The following RNF180 variants were observed in gnomAD, a reference collection of about 807,000 sequenced individuals.
The protein encoded by RNF180 is ring finger protein 180.
RNF180 carries 38 observed loss-of-function variants against 59.2 expected under a neutral mutation model. The observed-to-expected ratio is 0.64, with a 90% CI of 0.50 to 0.84. RNF180 has a LOEUF of 0.84. Ranked by LOEUF, RNF180 falls within the 40% of genes least tolerant of loss-of-function variation. The probability of loss-of-function intolerance (pLI) is 0.00; values close to 1 mark genes in which losing one functional copy is unlikely to be tolerated. For synonymous variants in RNF180, 262 were observed against 240.3 expected, an observed-to-expected ratio of 1.09 and a Z score of -0.84; for missense variants, 705 against 700.9, an observed-to-expected ratio of 1.01 and a Z score of -0.07.
chr5:64,341,182 A>C (rs1745340261), intron 7 of RNF180, among the ~76,000 whole-genome samples: 1 of 152,208 alleles, frequency 6.6e-6, no homozygotes, highest in African/African-American at 2.4e-5. Context: ...CTCAAGAAAT[A>C]AATTCTCCTG....
At chr5:64,171,682 T>C (rs1400104832) in intron 1 of RNF180, among the ~76,000 whole-genome samples, 1 of 152,226 alleles carries the variant, frequency 6.6e-6, no homozygotes, top group Non-Finnish European at 1.5e-5. Flanking sequence ...TCAGTACCAT[T>C]ATGGATAAGG....
chr5:64,325,518 T>G (rs1188480002), intron 6 of RNF180, 107 bp downstream of exon 6: 3 of 805,420 alleles, frequency 3.7e-6, no homozygotes, highest in Middle Eastern at 2.3e-4. Flanking sequence ...ATACCATAAT[T>G]TGTTATTCTC....
chr5:64,199,597 A>G (rs1462027803), intron 1 of RNF180, among the ~76,000 whole-genome samples: 2 of 152,178 alleles, frequency 1.3e-5, no homozygotes, highest in Non-Finnish European at 2.9e-5. Context: ...ACTCATTTTC[A>G]TGTTCCCAGA....
intron 1 of RNF180, among the ~76,000 whole-genome samples, chr5:64,189,627 G>A (rs1023829423): frequency 1.3e-5 from 2 of 152,156 alleles, no homozygotes; most frequent in South Asian, 2.1e-4. Flanking sequence ...ACCGCTTACA[G>A]TCAACTCAAA....
intron 5 of RNF180, among the ~76,000 whole-genome samples, chr5:64,266,882 GTT>G (rs1189811209): frequency 1.3e-5 from 2 of 152,086 alleles, no homozygotes; most frequent in Non-Finnish European, 2.9e-5. Flanking sequence ...AAGTTCAGGA[GTT>G]TTCATAATTC....
At chr5:64,337,009 TTTTTTGTTTTTG>T (rs1554044718) in intron 7 of RNF180, among the ~76,000 whole-genome samples, 22 of 151,632 alleles carry the variant, frequency 1.5e-4, no homozygotes, top group African/African-American at 4.4e-4. Flanking sequence ...TTGTTGTTTT[TTTTTTGTTTTTG>T]TTTTTGTTTT....
chr5:64,214,539 T>C (rs747779713), intron 4 of RNF180, 22 bp downstream of exon 4: 7 of 1,595,924 alleles, frequency 4.4e-6, no homozygotes, highest in African/African-American at 1.4e-5. Context: ...CAAAAGAGTT[T>C]ACTAAAAATC....
At chr5:64,180,474 C>G (rs989376424) in intron 1 of RNF180, among the ~76,000 whole-genome samples, 1 of 152,070 alleles carries the variant, frequency 6.6e-6, no homozygotes, top group Non-Finnish European at 1.5e-5. Context: ...CTAGCAGCCT[C>G]CAGTGTACCA....
intron 2 of RNF180, among the ~76,000 whole-genome samples, chr5:64,207,243 CA>C (rs1752061994): frequency 6.6e-6 from 1 of 151,694 alleles, no homozygotes; most frequent in African/African-American, 2.4e-5. Context: ...GTTTAAGTGG[CA>C]AAAAGGAAAA....
intron 5 of RNF180, among the ~76,000 whole-genome samples, chr5:64,270,922 C>A (rs148994399): frequency 1.3e-5 from 2 of 152,002 alleles, no homozygotes; most frequent in Non-Finnish European, 2.9e-5. Flanking sequence ...GTTTATCCTG[C>A]ACCATTGAAA....
intron 5 of RNF180, among the ~76,000 whole-genome samples, chr5:64,265,528 G>T (rs1050304988): frequency 9.8e-5 from 15 of 152,296 alleles, no homozygotes; most frequent in African/African-American, 2.9e-4. Flanking sequence ...TCAAAGATCA[G>T]ATGGCTGTAG....
intron 5 of RNF180, among the ~76,000 whole-genome samples, chr5:64,247,728 T>C (rs1488108798): frequency 1.3e-5 from 2 of 152,152 alleles, no homozygotes; most frequent in African/African-American, 4.8e-5. Flanking sequence ...CAAGCTACCA[T>C]TGACTTTCTT....
At chr5:64,252,841 T>C (rs1282500707) in intron 5 of RNF180, among the ~76,000 whole-genome samples, 1 of 151,962 alleles carries the variant, frequency 6.6e-6, no homozygotes, top group Admixed American at 6.6e-5. Context: ...ATGAGGACGA[T>C]GAAGGGCAGG....
At chr5:64,179,780 A>T (rs1373696152) in intron 1 of RNF180, among the ~76,000 whole-genome samples, 1 of 152,156 alleles carries the variant, frequency 6.6e-6, no homozygotes, top group African/African-American at 2.4e-5. Flanking sequence ...ACATCCATGG[A>T]TAGACATATT....
intron 5 of RNF180, among the ~76,000 whole-genome samples, chr5:64,312,858 T>C (rs1743842348): frequency 6.6e-6 from 1 of 152,134 alleles, no homozygotes; most frequent in Admixed American, 6.6e-5. Flanking sequence ...TGGGGTCTTC[T>C]AGTAGCTCTT....
At chr5:64,227,224 G>T (rs975239630) in intron 5 of RNF180, among the ~76,000 whole-genome samples, 1 of 152,284 alleles carries the variant, frequency 6.6e-6, no homozygotes, top group East Asian at 1.9e-4. Flanking sequence ...ACAGCCTTGG[G>T]GAAAGGAAGT....
chr5:64,192,541 G>A (rs13361695), intron 1 of RNF180, among the ~76,000 whole-genome samples: 44,116 of 151,536 alleles, frequency 0.29, 6,695 homozygotes, highest in African/African-American at 0.37. Context: ...GCGTGGTGGC[G>A]CGTGCCTGTA....
chr5:64,170,853 T>A (rs1749899444), intron 1 of RNF180, among the ~76,000 whole-genome samples: 1 of 152,158 alleles, frequency 6.6e-6, no homozygotes, highest in African/African-American at 2.4e-5. Flanking sequence ...TCCAGTGGGA[T>A]TCAAGAGCAG....
chr5:64,307,950 A>G (rs1415811239), intron 5 of RNF180, among the ~76,000 whole-genome samples: 2 of 151,820 alleles, frequency 1.3e-5, no homozygotes, highest in East Asian at 3.9e-4. Context: ...TGAAGCAGGT[A>G]GTCTTCTCAG....
Sources: gnomAD v4.1 joint callset for allele counts (sites outside exome capture counted in the v4.1 genomes callset) on GRCh38, gnomAD v4.1.1 for gene constraint, MANE v1.5 for transcripts, NCBI Gene and HGNC (gene_info 2026-07-23, HGNC 2026-07-21) for gene names.